The following CHRM3 variants were observed in gnomAD, a reference collection of about 807,000 sequenced individuals.
The protein encoded by CHRM3 is muscarinic acetylcholine receptor M3.
In CHRM3, 11 loss-of-function variants were observed where a neutral mutation model predicts 41.8. The ratio of observed to expected loss-of-function variants is 0.26; its 90% CI spans 0.17 to 0.44. The LOEUF is 0.44. Ranked by LOEUF, CHRM3 falls within the 20% of genes least tolerant of loss-of-function variation. The pLI, the probability that CHRM3 is intolerant of heterozygous loss-of-function variation, is 1.00. For missense variants in CHRM3, 571 were observed against 745.4 expected (o/e 0.77, Z 2.72); for synonymous variants, 297 against 301.4 (o/e 0.99, Z 0.15).
intron 1 of CHRM3, among the ~76,000 whole-genome samples, chr1:239,437,073 A>G (rs1663329410): frequency 6.6e-6 from 1 of 151,950 alleles, no homozygotes; most frequent in Non-Finnish European, 1.5e-5. Flanking sequence ...GGGTAATGAA[A>G]ATTTTTAAAC....
chr1:239,572,473 C>T (rs567916360), intron 3 of CHRM3, among the ~76,000 whole-genome samples: 2 of 152,098 alleles, frequency 1.3e-5, no homozygotes, highest in South Asian at 4.1e-4. Context: ...AATGAGATTT[C>T]CTAGTTCTGT....
Position 239,912,901 on chromosome 1 carries a change from T to C in CHRM3, c.*3677T>C, listed in dbSNP as rs1680443673. The C allele has an allele frequency of 6.0e-6, 1 of 167,116 alleles. No individual in the cohort carries two copies. The highest frequency in any genetic ancestry group is 6.5e-5 in the Admixed American group (1 of 15,284). 10.4% of individuals were successfully genotyped at this position (167,116 alleles called of 1,614,324 possible). A position where few individuals can be genotyped will look rare whatever the true frequency, so the allele number is the denominator to read the frequency against. On this transcript the variant is annotated 3_prime_UTR_variant, in exon 7 of 7. Coordinates refer to ENST00000676153, the MANE Select transcript of CHRM3 (RefSeq NM_001375978.1). ...GTTTCTGGACCAGTTTGGTCACTGC[T>C]TAGTTACATGTCCTTAGGAATGCTT...
chr1:239,662,382 CT>C (rs543774150), intron 4 of CHRM3, among the ~76,000 whole-genome samples: 324 of 152,194 alleles, frequency 2.1e-3, no homozygotes, highest in African/African-American at 7.4e-3. Flanking sequence ...AACCTTTAAC[CT>C]TGGGAAATAA....
intron 5 of CHRM3, among the ~76,000 whole-genome samples, chr1:239,788,608 A>T (rs1408472159): frequency 2.0e-5 from 3 of 152,096 alleles, no homozygotes; most frequent in Non-Finnish European, 2.9e-5. Context: ...TCTACTAAAA[A>T]TGCAAAAATT....
chr1:239,608,271 GGT>G (rs759640926), intron 3 of CHRM3, among the ~76,000 whole-genome samples: 2 of 152,124 alleles, frequency 1.3e-5, no homozygotes, highest in African/African-American at 2.4e-5. Context: ...CGCCATGGTA[GGT>G]GTAGGATGCA....
intron 4 of CHRM3, among the ~76,000 whole-genome samples, chr1:239,647,626 A>G (rs1573113083): frequency 1.3e-5 from 2 of 152,074 alleles, no homozygotes. Flanking sequence ...CCGCTTAGAC[A>G]TTTTCCCCTA....
At chr1:239,680,708 ATGTG>A (rs71758239) in intron 5 of CHRM3, among the ~76,000 whole-genome samples, 7,976 of 149,486 alleles carry the variant, frequency 0.053, 674 homozygotes, top group African/African-American at 0.18. Context: ...TGGTGTGTGC[ATGTG>A]TGTGTGTGTG....
At chr1:239,429,798 T>TC (rs1662679516) in intron 1 of CHRM3, among the ~76,000 whole-genome samples, 1 of 147,636 alleles carries the variant, frequency 6.8e-6, no homozygotes, top group Non-Finnish European at 1.5e-5. Context: ...TTTTTTTTTT[T>TC]CTCCTCCTCT....
chr1:239,807,650 T>C (rs1420328386), intron 5 of CHRM3, among the ~76,000 whole-genome samples: 2 of 152,240 alleles, frequency 1.3e-5, no homozygotes, highest in Non-Finnish European at 2.9e-5. Flanking sequence ...TTAAGTGAAA[T>C]GTTTCTGGCT....
intron 3 of CHRM3, among the ~76,000 whole-genome samples, chr1:239,597,217 C>G (rs963965209): frequency 6.6e-6 from 1 of 152,084 alleles, no homozygotes; most frequent in Non-Finnish European, 1.5e-5. Context: ...TTCCTATGAA[C>G]TGGGCACCGG....
chr1:239,871,519 C>A (rs963236827), intron 6 of CHRM3, among the ~76,000 whole-genome samples: 4 of 152,196 alleles, frequency 2.6e-5, no homozygotes, highest in Non-Finnish European at 5.9e-5. Context: ...GGATTACAGG[C>A]ATGAGCCACC....
At chr1:239,906,700 T>C (rs1205206111) in intron 6 of CHRM3, among the ~76,000 whole-genome samples, 1 of 152,222 alleles carries the variant, frequency 6.6e-6, no homozygotes, top group Non-Finnish European at 1.5e-5. Flanking sequence ...CTAAAATACA[T>C]TTTCATGCTT....
At chr1:239,884,232 C>T (rs1465464970) in intron 6 of CHRM3, among the ~76,000 whole-genome samples, 1 of 152,182 alleles carries the variant, frequency 6.6e-6, no homozygotes, top group Non-Finnish European at 1.5e-5. Flanking sequence ...CTGGATTATT[C>T]ATGTGGGCCC....
intron 5 of CHRM3, among the ~76,000 whole-genome samples, chr1:239,792,311 C>T (rs1378248749): frequency 1.3e-5 from 2 of 152,188 alleles, no homozygotes; most frequent in African/African-American, 4.8e-5. Context: ...ATGAAGATCT[C>T]ACAGATCTCT....
At chr1:239,506,810 G>A (rs1398929801) in intron 2 of CHRM3, among the ~76,000 whole-genome samples, 1 of 152,174 alleles carries the variant, frequency 6.6e-6, no homozygotes, top group African/African-American at 2.4e-5. Flanking sequence ...AAAGCCACAG[G>A]GACAGAGCTG....
At chr1:239,491,768 T>C (rs529349399) in intron 1 of CHRM3, among the ~76,000 whole-genome samples, 1 of 152,216 alleles carries the variant, frequency 6.6e-6, no homozygotes, top group Non-Finnish European at 1.5e-5. Context: ...CCATGCTGTT[T>C]TTTGCAGTGG....
At chr1:239,650,297 T>C (rs1672118202) in intron 4 of CHRM3, among the ~76,000 whole-genome samples, 1 of 152,252 alleles carries the variant, frequency 6.6e-6, no homozygotes, top group African/African-American at 2.4e-5. Context: ...CTGCTACATA[T>C]ATGTCATGGC....
chr1:239,778,347 T>C (rs1311668788), intron 5 of CHRM3, among the ~76,000 whole-genome samples: 1 of 152,200 alleles, frequency 6.6e-6, no homozygotes, highest in Non-Finnish European at 1.5e-5. Context: ...TTACTCTATA[T>C]TGGATTAAAT....
At chr1:239,537,872 T>C (rs1329732328) in intron 2 of CHRM3, among the ~76,000 whole-genome samples, 3 of 152,240 alleles carry the variant, frequency 2.0e-5, no homozygotes, top group African/African-American at 7.2e-5. Context: ...CTTTGCCCAC[T>C]CATTGGCTAA....
Sources: gnomAD v4.1 joint callset for allele counts (sites outside exome capture counted in the v4.1 genomes callset) on GRCh38, gnomAD v4.1.1 for gene constraint, MANE v1.5 for transcripts, NCBI Gene and HGNC (gene_info 2026-07-23, HGNC 2026-07-21) for gene names.